NELL1: variants seen among roughly 807,000 people sequenced by gnomAD.
NELL1 encodes neural EGFL like 1.
A neutral mutation model predicts 107.4 loss-of-function variants in NELL1; 76 were observed. The ratio of observed to expected loss-of-function variants is 0.71; its 90% CI spans 0.59 to 0.86. NELL1 has a LOEUF of 0.86. NELL1 is among the 40% of genes least tolerant of loss of function. The pLI, the probability that NELL1 is intolerant of heterozygous loss-of-function variation, is 0.00. For missense variants in NELL1, 1,024 were observed against 1,005.5 expected (o/e 1.02, Z -0.25); for synonymous variants, 353 against 341.2 (o/e 1.03, Z -0.38).
At chr11:21,400,498 C>T (rs146532617) in intron 15 of NELL1, among the ~76,000 whole-genome samples, 1,566 of 151,840 alleles carry the variant, frequency 0.01, 79 homozygotes, top group Admixed American at 0.087. Context: ...TGAATTTGAC[C>T]CACAACTCCA....
At chr11:21,351,913 T>G (rs1404224798) in intron 14 of NELL1, among the ~76,000 whole-genome samples, 1 of 152,132 alleles carries the variant, frequency 6.6e-6, no homozygotes. Flanking sequence ...AACAATAAAA[T>G]AAAGTCTTTA....
intron 13 of NELL1, among the ~76,000 whole-genome samples, chr11:21,192,791 A>G (rs1334373236): frequency 3.3e-5 from 5 of 151,840 alleles, no homozygotes; most frequent in Non-Finnish European, 7.3e-5. Context: ...TTTTCTGGGC[A>G]TACAATTAGT....
At chr11:20,756,136 C>A (rs1023917192) in intron 2 of NELL1, among the ~76,000 whole-genome samples, 4 of 147,042 alleles carry the variant, frequency 2.7e-5, no homozygotes, top group African/African-American at 1.0e-4. Context: ...TGCCTCGGCC[C>A]CCCAAAGTGC....
rs188535516 is a variant in NELL1 at position 20,707,443 on chromosome 11, G to A, written c.184+29383G>A. On this transcript the variant is annotated intron_variant, in intron 2 of 19. Coordinates refer to ENST00000357134, the MANE Select transcript of NELL1 (RefSeq NM_006157.5). ...TGCATTCCTTTGGAGGAGAAGAGGC[G>A]CTCTGATTTTGAGAATTTTCAGCTT... 1.5e-4 allele frequency among the ~76,000 whole-genome samples: 23 copies of A among 152,312 alleles called. 1 individual carries two copies. Among genetic ancestry groups the A allele is most frequent in the Middle Eastern group, 6.8e-3 (2 of 294 alleles).
chr11:20,926,447 G>GA (rs556589909), intron 7 of NELL1, among the ~76,000 whole-genome samples: 1 of 151,748 alleles, frequency 6.6e-6, no homozygotes, highest in Non-Finnish European at 1.5e-5. Flanking sequence ...GGTATGGCAG[G>GA]AAAAAAAGAA....
intron 14 of NELL1, among the ~76,000 whole-genome samples, chr11:21,326,605 T>C (rs575806920): frequency 4.4e-4 from 67 of 152,258 alleles, no homozygotes; most frequent in Middle Eastern, 3.4e-3. Flanking sequence ...TGGATCCAAA[T>C]TTCTGTCTGA....
rs552113746 is a variant in NELL1, at chr11:21,193,682, C to T, written c.1427-35650C>T. ...TTTGATTTGTGATTCTGCAAAGTTACCAAACACCAAAAAATTTCACAGATA... is the reference window on the plus strand; with the variant it reads ...TTTGATTTGTGATTCTGCAAAGTTATCAAACACCAAAAAATTTCACAGATA... On this transcript the variant is annotated intron_variant, in intron 13 of 19. Coordinates refer to ENST00000357134, the MANE Select transcript of NELL1 (RefSeq NM_006157.5). 2.6e-5 allele frequency among the ~76,000 whole-genome samples: 4 copies of T among 151,930 alleles called. No individual in the cohort carries two copies. The South Asian group carries it at 8.3e-4, about 32-fold the overall frequency.
At chr11:21,219,532 T>C (rs1857699816) in intron 13 of NELL1, among the ~76,000 whole-genome samples, 1 of 152,200 alleles carries the variant, frequency 6.6e-6, no homozygotes, top group South Asian at 2.1e-4. Context: ...TTTTGAAGTC[T>C]TACCCTAAAA....
At chr11:21,038,173 A>G (rs1853141980) in intron 12 of NELL1, among the ~76,000 whole-genome samples, 1 of 152,174 alleles carries the variant, frequency 6.6e-6, no homozygotes, top group African/African-American at 2.4e-5. Flanking sequence ...GGCACAAAGG[A>G]TTATTAATAT....
chr11:20,928,792 G>A (rs1013495710), intron 9 of NELL1, among the ~76,000 whole-genome samples: 1 of 152,116 alleles, frequency 6.6e-6, no homozygotes, highest in African/African-American at 2.4e-5. Flanking sequence ...AGGCTGATCT[G>A]TGAATTTACA....
intron 15 of NELL1, among the ~76,000 whole-genome samples, chr11:21,452,595 CA>C (rs1229676244): frequency 6.6e-6 from 1 of 151,978 alleles, no homozygotes; most frequent in Non-Finnish European, 1.5e-5. Context: ...ATTTTATGGA[CA>C]TTTTCAAGGG....
intron 12 of NELL1, among the ~76,000 whole-genome samples, chr11:21,033,694 A>ATG: frequency 6.6e-6 from 1 of 152,188 alleles, no homozygotes; most frequent in African/African-American, 2.4e-5. Flanking sequence ...TAGTGCTGCA[A>ATG]TGAGTATACA....
intron 12 of NELL1, among the ~76,000 whole-genome samples, chr11:21,026,549 T>C (rs1852819003): frequency 6.6e-6 from 1 of 152,154 alleles, no homozygotes; most frequent in African/African-American, 2.4e-5. Context: ...TACTATCCAG[T>C]TTATGAACAA....
rs967935375 is a variant in NELL1, at chr11:20,947,619, A to G, written c.1171+184A>G. Among the ~76,000 whole-genome samples the G allele has an allele frequency of 1.6e-4, 24 of 152,360 alleles. No homozygotes were observed. Among genetic ancestry groups the G allele is most frequent in the African/African-American group, 5.8e-4 (24 of 41,588 alleles). On this transcript the variant is annotated intron_variant, in intron 11 of 19. Coordinates refer to ENST00000357134, the MANE Select transcript of NELL1 (RefSeq NM_006157.5). ...TCTCCTCAATTATAAAATGAGGATA[A>G]TAATAGTATCTACTTTGTAAGACTG...
intron 12 of NELL1, among the ~76,000 whole-genome samples, chr11:21,101,461 T>C (rs563545733): frequency 2.0e-5 from 3 of 152,320 alleles, no homozygotes; most frequent in Admixed American, 2.0e-4. Flanking sequence ...AACAACAGTG[T>C]AAAAGTGTTC....
At chr11:20,936,610 C>T (rs1590435857) in intron 9 of NELL1, among the ~76,000 whole-genome samples, 1 of 152,288 alleles carries the variant, frequency 6.6e-6, no homozygotes, top group East Asian at 1.9e-4. Context: ...ACTTGCCTCA[C>T]TTAGTAATTA....
intron 15 of NELL1, among the ~76,000 whole-genome samples, chr11:21,397,693 TTA>T (rs1443476091): frequency 2.6e-5 from 4 of 151,788 alleles, no homozygotes; most frequent in African/African-American, 9.6e-5. Flanking sequence ...GTTTGAATGT[TTA>T]TGTTTCCCTA....
At chr11:20,897,692 A>C (rs952115577) in intron 5 of NELL1, among the ~76,000 whole-genome samples, 3 of 152,326 alleles carry the variant, frequency 2.0e-5, no homozygotes, top group South Asian at 2.1e-4. Context: ...AATATCCAGA[A>C]TCTACAATGA....
At chr11:20,672,972 C>CA (rs1345368549) in intron 1 of NELL1, among the ~76,000 whole-genome samples, 1 of 17,036 alleles carries the variant, frequency 5.9e-5, no homozygotes, top group African/African-American at 4.6e-4. Context: ...CTGCCTCAGC[C>CA]CCCCCCCCCC....
Sources: allele counts gnomAD v4.1 joint callset (sites outside exome capture counted in the v4.1 genomes callset), GRCh38; gene constraint gnomAD v4.1.1; transcripts MANE v1.5; gene names NCBI Gene and HGNC (gene_info 2026-07-23, HGNC 2026-07-21).